DCDC2C: variants seen among roughly 807,000 people sequenced by gnomAD.
DCDC2C encodes doublecortin domain-containing protein 2C.
Under a neutral mutation model 45.0 loss-of-function variants are expected in DCDC2C, and 44 were observed. The ratio of observed to expected loss-of-function variants is 0.98; its 90% CI spans 0.77 to 1.26. The LOEUF (loss-of-function observed/expected upper bound fraction) is 1.26. Among genes scored for constraint, DCDC2C ranks in the 50% most tolerant of loss-of-function variants. The pLI, the probability that DCDC2C is intolerant of heterozygous loss-of-function variation, is 0.00. For missense variants in DCDC2C, 447 were observed against 468.9 expected, an observed-to-expected ratio of 0.95 and a Z score of 0.43; for synonymous variants, 187 against 178.8, an observed-to-expected ratio of 1.05 and a Z score of -0.37.
chr2:3,747,626 G>C (rs781054966), intron 4 of DCDC2C, among the ~76,000 whole-genome samples: 1 of 152,244 alleles, frequency 6.6e-6, no homozygotes. Context: ...CACTGGACAC[G>C]TTGGGTGTGG....
At chr2:3,766,784 GA>G (rs1172565613) in intron 6 of DCDC2C, among the ~76,000 whole-genome samples, 1 of 152,166 alleles carries the variant, frequency 6.6e-6, no homozygotes, top group Non-Finnish European at 1.5e-5. Flanking sequence ...ATCAAAAAAA[GA>G]AAACCTAAAA....
chr2:3,773,324 GAA>G (rs200759645), intron 8 of DCDC2C, among the ~76,000 whole-genome samples: 84 of 150,142 alleles, frequency 5.6e-4, no homozygotes, highest in Non-Finnish European at 1.1e-3. Flanking sequence ...TATTTTCAAA[GAA>G]TTTTTAATTT....
intron 2 of DCDC2C, among the ~76,000 whole-genome samples, chr2:3,711,362 T>C (rs1422993276): frequency 1.3e-5 from 2 of 151,890 alleles, no homozygotes; most frequent in Non-Finnish European, 2.9e-5. Flanking sequence ...TGCAGCACTA[T>C]ACACAATAGA....
chr2:3,718,560 T>C (rs981993054), intron 2 of DCDC2C, among the ~76,000 whole-genome samples: 1 of 152,190 alleles, frequency 6.6e-6, no homozygotes, highest in Non-Finnish European at 1.5e-5. Flanking sequence ...CTCTGGGACA[T>C]GCCTGGCTGA....
At chr2:3,716,745 T>C (rs1460170376) in intron 2 of DCDC2C, among the ~76,000 whole-genome samples, 4 of 152,234 alleles carry the variant, frequency 2.6e-5, no homozygotes, top group African/African-American at 9.6e-5. Flanking sequence ...TAATAATTGC[T>C]GTCTCTATAG....
chr2:3,759,981 T>C (rs1669834521), intron 6 of DCDC2C, among the ~76,000 whole-genome samples: 1 of 152,242 alleles, frequency 6.6e-6, no homozygotes, highest in Non-Finnish European at 1.5e-5. Context: ...CTCTGACCTC[T>C]GCACTTGGAA....
At chr2:3,814,726 C>A (rs577459685) in intron 10 of DCDC2C, among the ~76,000 whole-genome samples, 66 of 152,330 alleles carry the variant, frequency 4.3e-4, no homozygotes, top group African/African-American at 1.5e-3. Context: ...GGCTTTTGTC[C>A]CTGAGCCTCT....
In DCDC2C at chr2:3,761,897, T is replaced by C. The variant is rs946215858; in HGVS notation, c.727-5857T>C. Among the ~76,000 whole-genome samples, 6 of 152,212 alleles carry C rather than the reference T, an allele frequency of 3.9e-5. No individual in the cohort carries two copies. Among genetic ancestry groups the C allele is most frequent in the African/African-American group, 1.4e-4 (6 of 41,442 alleles). On this transcript the variant is annotated intron_variant, in intron 6 of 10. Coordinates refer to ENST00000399143, the MANE Select transcript of DCDC2C (RefSeq NM_001287444.2). The surrounding 1 kb of genome is among the most constrained non-coding windows in gnomAD (Gnocchi z 4.3). ...TAGCTGGATTAATTGAAATAGGCTCTGGAGAAAAATAATAGTCTTTAAAGC... is the reference window on the plus strand; with the variant it reads ...TAGCTGGATTAATTGAAATAGGCTCCGGAGAAAAATAATAGTCTTTAAAGC...
At chr2:3,801,737 C>T (rs1671119713) in intron 10 of DCDC2C, among the ~76,000 whole-genome samples, 1 of 152,222 alleles carries the variant, frequency 6.6e-6, no homozygotes, top group Non-Finnish European at 1.5e-5. Flanking sequence ...CTTACAGACT[C>T]CTCCGAGGCT....
At chr2:3,747,518 A>G (rs1195046959) in intron 4 of DCDC2C, among the ~76,000 whole-genome samples, 1 of 152,164 alleles carries the variant, frequency 6.6e-6, no homozygotes, top group Non-Finnish European at 1.5e-5. Flanking sequence ...TGCTTGCCCC[A>G]GTGGACGTCA....
chr2:3,793,817 A>C (rs1457604822), intron 10 of DCDC2C, among the ~76,000 whole-genome samples: 2 of 152,144 alleles, frequency 1.3e-5, no homozygotes, highest in African/African-American at 2.4e-5. Context: ...GCTGTGCAGA[A>C]AGGTGGTGGG....
chr2:3,807,738 C>T (rs1401886416), intron 10 of DCDC2C, among the ~76,000 whole-genome samples: 1 of 151,996 alleles, frequency 6.6e-6, no homozygotes, highest in Non-Finnish European at 1.5e-5. Context: ...CTCTCTATTC[C>T]CATGCCACCC....
intron 10 of DCDC2C, among the ~76,000 whole-genome samples, chr2:3,836,716 G>C (rs1017560591): frequency 6.6e-6 from 1 of 152,124 alleles, no homozygotes; most frequent in Non-Finnish European, 1.5e-5. Context: ...CACAAAATTA[G>C]CCGGGCACGG....
chr2:3,785,552 G>T (rs73910372), intron 10 of DCDC2C, among the ~76,000 whole-genome samples: 1 of 151,964 alleles, frequency 6.6e-6, no homozygotes, highest in Non-Finnish European at 1.5e-5. Context: ...GCAAGGGAGT[G>T]GGGGGCTCAC....
At chr2:3,730,066 C>G (rs571035627) in intron 3 of DCDC2C, among the ~76,000 whole-genome samples, 10 of 152,276 alleles carry the variant, frequency 6.6e-5, no homozygotes, top group East Asian at 5.8e-4. Context: ...GCTGTGCATT[C>G]AGGAGGAGCT....
At chr2:3,765,663 T>C (rs1282709368) in intron 6 of DCDC2C, among the ~76,000 whole-genome samples, 1 of 152,222 alleles carries the variant, frequency 6.6e-6, no homozygotes, top group Non-Finnish European at 1.5e-5. Flanking sequence ...GAGCATCTGC[T>C]ATGTGCCAGG....
intron 7 of DCDC2C, among the ~76,000 whole-genome samples, chr2:3,768,679 T>A (rs151045165): frequency 0.01 from 1,568 of 152,304 alleles, 35 homozygotes; most frequent in African/African-American, 0.036. Flanking sequence ...GTTCAAGTGA[T>A]TTTTGTGCCT....
chr2:3,725,432 C>CTGGAGGAAGACGAG, intron 2 of DCDC2C, among the ~76,000 whole-genome samples: 2 of 103,778 alleles, frequency 1.9e-5, no homozygotes, highest in Non-Finnish European at 2.2e-5. Flanking sequence ...CAGGTGGATC[C>CTGGAGGAAGACGAG]CAGAGGAAGA....
chr2:3,826,011 A>G (rs1034210414), intron 10 of DCDC2C, among the ~76,000 whole-genome samples: 1 of 152,212 alleles, frequency 6.6e-6, no homozygotes, highest in African/African-American at 2.4e-5. Flanking sequence ...AAAACAATTC[A>G]CGAGGGTCTT....
Sources: gnomAD v4.1 joint callset for allele counts (sites outside exome capture counted in the v4.1 genomes callset) on GRCh38, gnomAD v4.1.1 for gene constraint, Gnocchi (gnomAD v3.1) non-coding constraint, MANE v1.5 for transcripts, NCBI Gene and HGNC (gene_info 2026-07-23, HGNC 2026-07-21) for gene names.